Variants in ATP2A2 observed in about 807,000 individuals in gnomAD.
ATP2A2 encodes the protein sarcoplasmic/endoplasmic reticulum calcium ATPase 2.
A neutral mutation model predicts 109.3 loss-of-function variants in ATP2A2; 14 were observed. That is an observed-to-expected ratio of 0.13 (90% confidence interval 0.08 to 0.20). The LOEUF is 0.20. Among genes scored for constraint, ATP2A2 ranks in the 10% least tolerant of loss-of-function variants. ATP2A2 has a pLI of 1.00. For missense variants in ATP2A2, 657 were observed against 1,321.6 expected (o/e 0.50, Z 7.80); for synonymous variants, 506 against 490.9 (o/e 1.03, Z -0.41).
intron 3 of ATP2A2, among the ~76,000 whole-genome samples, chr12:110,283,796 T>C (rs1052948717): frequency 2.0e-5 from 3 of 152,198 alleles, no homozygotes; most frequent in Non-Finnish European, 4.4e-5. Flanking sequence ...TCAGTTCTTG[T>C]ACATATATGT....
intron 5 of ATP2A2, among the ~76,000 whole-genome samples, chr12:110,319,223 G>GAAAAAAAAAAA (rs59623372): frequency 5.0e-3 from 320 of 63,380 alleles, no homozygotes; most frequent in Non-Finnish European, 6.3e-3. Flanking sequence ...AATAAAAAAT[G>GAAAAAAAAAAA]AAAAAAAAAA....
intron 5 of ATP2A2, among the ~76,000 whole-genome samples, chr12:110,302,522 T>C (rs1339546821): frequency 1.3e-5 from 2 of 152,020 alleles, no homozygotes; most frequent in Non-Finnish European, 2.9e-5. Context: ...TGGTAATTGC[T>C]AAAAAGCGTA....
chr12:110,340,044 T>C lies in ATP2A2; in HGVS notation c.1761+323T>C, dbSNP rs1446393141. 6.6e-6 allele frequency among the ~76,000 whole-genome samples: 1 copy of C among 152,184 alleles called. No homozygotes were observed. Among genetic ancestry groups the C allele is most frequent in the East Asian group, 1.9e-4 (1 of 5,200 alleles). On this transcript the variant is annotated intron_variant, in intron 13 of 19. Transcript: ENST00000539276. The surrounding 1 kb of genome is among the most constrained non-coding windows in gnomAD (Gnocchi z 6.0). ...TTGGTGACATTTCTAGAATATTCAT[T>C]AGTTACTGAAGGTCAAAAGATCCAA...
At position 110,342,176 on chromosome 12, in the gene ATP2A2, G is replaced by C; in HGVS notation, c.2098-52G>C. The C allele has an allele frequency of 6.3e-7, 1 of 1,597,024 alleles. No homozygotes were observed. Among genetic ancestry groups the C allele is most frequent in the Non-Finnish European group, 8.6e-7 (1 of 1,164,456 alleles). ...CCATTCAGTGGGCTTTTGCCTAGGGGTATGAATGTGGCATGCCAGTTGGCT... is the reference window on the plus strand; with the variant it reads ...CCATTCAGTGGGCTTTTGCCTAGGGCTATGAATGTGGCATGCCAGTTGGCT... On this transcript the variant is annotated intron_variant, in intron 14 of 19. Coordinates refer to ENST00000539276, the MANE Select transcript of ATP2A2 (RefSeq NM_170665.4). The surrounding 1 kb of genome is among the most constrained non-coding windows in gnomAD (Gnocchi z 4.6).
rs748790705 is a variant in ATP2A2, at chr12:110,313,310, CTTT to C, written c.464-9662_464-9660del. Among the ~76,000 whole-genome samples the C allele has an allele frequency of 4.0e-3, 453 of 113,186 alleles. 1 individual carries two copies. Among genetic ancestry groups the C allele is most frequent in the African/African-American group, 0.015 (433 of 29,060 alleles). 74.3% of individuals were successfully genotyped at this position (113,186 alleles called of 152,430 possible). On this transcript the variant is annotated intron_variant, in intron 5 of 19. Coordinates refer to ENST00000539276, the MANE Select transcript of ATP2A2 (RefSeq NM_170665.4). ...CCATGTGGTTTGGGAACCACCTTTC[CTTT>C]TTTTTTTTTTTTTTTTTTTGATACG...
At chr12:110,309,140 ATTTTTTTTTTTTTTTTT>A (rs10665212) in intron 5 of ATP2A2, among the ~76,000 whole-genome samples, 21 of 48,904 alleles carry the variant, frequency 4.3e-4, no homozygotes, top group Admixed American at 7.0e-4. Flanking sequence ...AAGGAAACTA[ATTTTTTTTTTTTTTTTT>A]TTTTTTTTTT....
intron 9 of ATP2A2, among the ~76,000 whole-genome samples, 200 bp from the exon 10 acceptor site, chr12:110,332,981 T>C (rs1216921231): frequency 6.6e-6 from 1 of 152,228 alleles, no homozygotes; most frequent in Non-Finnish European, 1.5e-5. Context: ...TTTTACTGAT[T>C]GATTTCTGAT....
intron 11 of ATP2A2, among the ~76,000 whole-genome samples, chr12:110,334,846 C>T (rs1409302069): frequency 6.6e-6 from 1 of 152,138 alleles, no homozygotes; most frequent in Non-Finnish European, 1.5e-5. Flanking sequence ...CCTCGGCCTC[C>T]CAAAGTGCTG....
chr12:110,324,747 C>T (rs943578635), intron 6 of ATP2A2, among the ~76,000 whole-genome samples: 8 of 151,404 alleles, frequency 5.3e-5, no homozygotes, highest in Non-Finnish European at 1.0e-4. Context: ...CCTGTAATTT[C>T]AGGACTTTGG....
rs765668322 is a variant in ATP2A2, at chr12:110,322,949, T to C, written c.464-43T>C. On this transcript the variant is annotated intron_variant, in intron 5 of 19. Transcript: ENST00000539276. ...AATTCATCTTTAGATAACATAGTTT[T>C]AAAAGTTGCTCATTTCAGCCGCCTT... The C allele has an allele frequency of 3.6e-6, 5 of 1,373,320 alleles. No homozygotes were observed. The South Asian group carries it at 5.8e-5, about 16-fold the overall frequency. The allele number at this position is 1,373,320 out of a possible 1,614,324, so 85.1% of individuals were successfully genotyped here. A position where few individuals can be genotyped will look rare whatever the true frequency, so the allele number is the denominator to read the frequency against.
chr12:110,281,808 A>G lies in ATP2A2; in HGVS notation c.19A>G (p.Lys7Glu). Residue 7 changes from lysine to glutamate, a missense_variant, in exon 1 of 20, where the codon AAG (lysine) becomes GAG (glutamate). Transcript: ENST00000539276. ...CGAAGCCATGGAGAACGCGCACACC[A>G]AGACGGTGGAGGAGGTGCTGGGCCA... MENAHTKTVEEVLGHFG... is the reference protein window; with the variant it reads MENAHTETVEEVLGHFG... 6.5e-7 allele frequency: 1 copy of G among 1,542,042 alleles called. No homozygotes were observed. The highest frequency in any genetic ancestry group is 1.7e-4 in the Middle Eastern group (1 of 5,902).
rs374264962 is a variant in ATP2A2, at chr12:110,327,304, T to TGAA, written c.631-246_631-244dup. On this transcript the variant is annotated intron_variant, in intron 7 of 19. Transcript: ENST00000539276. The surrounding 1 kb of genome is among the most constrained non-coding windows in gnomAD (Gnocchi z 4.4). ...ACACAGAGGGGTTAAGAGCACTGCT[T>TGAA]GAAGATGGTCTGCAAGCCGGGCTCA... Among the ~76,000 whole-genome samples the TGAA allele has an allele frequency of 1.1e-3, 160 of 152,244 alleles. 6 individuals are homozygous for TGAA. In the East Asian group the frequency reaches 0.015, roughly 14 times the overall value.
intron 5 of ATP2A2, among the ~76,000 whole-genome samples, chr12:110,301,316 T>C (rs1210074991): frequency 6.6e-6 from 1 of 152,236 alleles, no homozygotes; most frequent in Non-Finnish European, 1.5e-5. Context: ...ACCATCCTTT[T>C]TGAAGAAAGA....
At chr12:110,341,235 TGA>T (rs1157419270) in intron 14 of ATP2A2, among the ~76,000 whole-genome samples, 2 of 151,806 alleles carry the variant, frequency 1.3e-5, no homozygotes, top group Non-Finnish European at 2.9e-5. Flanking sequence ...AACAATCTGG[TGA>T]TCTAGTCTCT....
chr12:110,303,604 G>A (rs1339318952), intron 5 of ATP2A2, among the ~76,000 whole-genome samples: 1 of 152,054 alleles, frequency 6.6e-6, no homozygotes. Flanking sequence ...TAGAGACGGG[G>A]TTTCACCGTG....
intron 6 of ATP2A2, among the ~76,000 whole-genome samples, chr12:110,323,464 C>T (rs1399809885): frequency 1.3e-5 from 2 of 151,106 alleles, no homozygotes; most frequent in East Asian, 1.9e-4. Flanking sequence ...GGATTACAGG[C>T]GTGAACCACT....
chr12:110,318,995 C>G (rs1166973531), intron 5 of ATP2A2, among the ~76,000 whole-genome samples: 1 of 152,056 alleles, frequency 6.6e-6, no homozygotes, highest in African/African-American at 2.4e-5. Flanking sequence ...CATTTTTTCT[C>G]TTGCATTAAT....
rs1880293461 is a variant in ATP2A2, at chr12:110,350,408, A to G, written c.*3938A>G. 1 of 1,591,652 alleles carries G rather than the reference A, an allele frequency of 6.3e-7. No homozygotes were observed. Among genetic ancestry groups the G allele is most frequent in the African/African-American group, 1.3e-5 (1 of 74,432 alleles). ...ACCCTGTGCATGACTGATGTTGGGG[A>G]AAAAGAAAAGTAAAAAACTTCCCAA... On this transcript the variant is annotated 3_prime_UTR_variant, in exon 20 of 20. Coordinates refer to ENST00000539276, the MANE Select transcript of ATP2A2 (RefSeq NM_170665.4).
chr12:110,308,938 C>CT (rs1875677395), intron 5 of ATP2A2, among the ~76,000 whole-genome samples: 1 of 151,978 alleles, frequency 6.6e-6, no homozygotes, highest in Non-Finnish European at 1.5e-5. Context: ...AAAGTACTGA[C>CT]TTAACGATTT....
Sources: gnomAD v4.1 joint callset for allele counts (sites outside exome capture counted in the v4.1 genomes callset) on GRCh38, gnomAD v4.1.1 for gene constraint, Gnocchi (gnomAD v3.1) non-coding constraint, MANE v1.5 for transcripts, NCBI Gene and HGNC (gene_info 2026-07-23, HGNC 2026-07-21) for gene names.